Variants in RBMS3 observed in about 807,000 individuals in gnomAD.
RBMS3 encodes the protein RNA-binding motif, single-stranded-interacting protein 3.
RBMS3 carries 27 observed loss-of-function variants against 66.8 expected under a neutral mutation model. That is an observed-to-expected ratio of 0.40 (90% confidence interval 0.30 to 0.56). RBMS3 has a LOEUF of 0.56. Ranked by LOEUF, RBMS3 falls within the 20% of genes least tolerant of loss-of-function variation. The pLI, the probability that RBMS3 is intolerant of heterozygous loss-of-function variation, is 0.40. For synonymous variants in RBMS3, 188 were observed against 183.0 expected (o/e 1.03, Z -0.22); for missense variants, 513 against 549.5 (o/e 0.93, Z 0.66).
intron 4 of RBMS3, among the ~76,000 whole-genome samples, chr3:29,599,209 C>A (rs2048064395): frequency 6.7e-6 from 1 of 148,958 alleles, no homozygotes; most frequent in Non-Finnish European, 1.5e-5. Flanking sequence ...GTATCTGTAG[C>A]CAATAATAAC....
chr3:29,997,813 TACTG>T (rs1373820653), intron 14 of RBMS3, among the ~76,000 whole-genome samples: 2 of 152,110 alleles, frequency 1.3e-5, no homozygotes, highest in African/African-American at 2.4e-5. Context: ...GCCAATATCA[TACTG>T]AATGGGCAAA....
At chr3:29,685,128 G>A (rs998431648) in intron 4 of RBMS3, among the ~76,000 whole-genome samples, 2 of 151,900 alleles carry the variant, frequency 1.3e-5, no homozygotes, top group Non-Finnish European at 2.9e-5. Flanking sequence ...GCGCGATCTC[G>A]GCTCACTGCA....
In RBMS3 at chr3:30,006,435, A is replaced by G. The variant is rs530160603; in HGVS notation, c.*2573A>G. ...CAAGAAAATGTAGTGTGCGTTATAGAGAAATTCCAACTGGTCACACTCACC... is the reference window on the plus strand; with the variant it reads ...CAAGAAAATGTAGTGTGCGTTATAGGGAAATTCCAACTGGTCACACTCACC... On this transcript the variant is annotated 3_prime_UTR_variant, in exon 15 of 15. Coordinates refer to ENST00000383767, the MANE Select transcript of RBMS3 (RefSeq NM_001003793.3). The G allele has an allele frequency of 6.6e-6, 1 of 152,044 alleles. No individual in the cohort carries two copies. The highest frequency in any genetic ancestry group is 2.4e-5 in the African/African-American group (1 of 41,544). The allele number at this position is 152,044 out of a possible 1,614,324, so 9.4% of individuals were successfully genotyped here.
intron 4 of RBMS3, among the ~76,000 whole-genome samples, chr3:29,712,166 C>T (rs2053198605): frequency 6.6e-6 from 1 of 152,104 alleles, no homozygotes; most frequent in African/African-American, 2.4e-5. Flanking sequence ...TTATAATCAT[C>T]CCTAGCTGTG....
intron 3 of RBMS3, among the ~76,000 whole-genome samples, chr3:29,575,215 AG>A (rs1168933350): frequency 5.9e-5 from 9 of 152,184 alleles, no homozygotes; most frequent in African/African-American, 2.2e-4. Flanking sequence ...TTTTTCATCT[AG>A]AAAGGTCTTT....
chr3:29,394,227 G>A (rs1257487909), intron 1 of RBMS3, among the ~76,000 whole-genome samples: 2 of 152,166 alleles, frequency 1.3e-5, no homozygotes, highest in African/African-American at 4.8e-5. Flanking sequence ...AAATAATTCA[G>A]CAATATTTCT....
At chr3:29,983,047 T>G (rs1376265788) in intron 12 of RBMS3, among the ~76,000 whole-genome samples, 4 of 151,756 alleles carry the variant, frequency 2.6e-5, no homozygotes, top group African/African-American at 9.7e-5. Context: ...AGTCTAAGTC[T>G]CTTTGTAGGT....
intron 4 of RBMS3, among the ~76,000 whole-genome samples, chr3:29,593,986 A>T (rs958696492): frequency 6.6e-5 from 10 of 152,242 alleles, no homozygotes; most frequent in African/African-American, 2.2e-4. Flanking sequence ...TTTTAGGTAC[A>T]ATGGTCAGGA....
At chr3:29,435,057 G>A (rs1204155458) in intron 2 of RBMS3, 142 bp downstream of exon 2, 1 of 877,172 alleles carries the variant, frequency 1.1e-6, no homozygotes, top group Non-Finnish European at 1.7e-6. Context: ...TTAAATTTGA[G>A]ATTCAATGCT....
intron 11 of RBMS3, among the ~76,000 whole-genome samples, chr3:29,939,194 A>G (rs529358203): frequency 2.0e-4 from 30 of 152,116 alleles, no homozygotes; most frequent in African/African-American, 6.3e-4. Flanking sequence ...AGTCCAGCCA[A>G]GTCATATTAA....
At chr3:30,000,172 T>C (rs1699521371) in intron 14 of RBMS3, among the ~76,000 whole-genome samples, 1 of 152,006 alleles carries the variant, frequency 6.6e-6, no homozygotes, top group Non-Finnish European at 1.5e-5. Flanking sequence ...ATCCAGAATC[T>C]ACAAAGAACT....
intron 3 of RBMS3, among the ~76,000 whole-genome samples, chr3:29,544,547 G>A (rs770118545): frequency 6.6e-6 from 1 of 151,950 alleles, no homozygotes; most frequent in Non-Finnish European, 1.5e-5. Context: ...CTGTCTCAGT[G>A]GTATTCTCTG....
chr3:29,542,187 A>G (rs1164480771), intron 3 of RBMS3, among the ~76,000 whole-genome samples: 1 of 152,214 alleles, frequency 6.6e-6, no homozygotes, highest in African/African-American at 2.4e-5. Flanking sequence ...ACAGTGAACA[A>G]TTACTGGGTG....
At chr3:29,734,884 T>C (rs1404842994) in intron 4 of RBMS3, among the ~76,000 whole-genome samples, 3 of 152,140 alleles carry the variant, frequency 2.0e-5, no homozygotes, top group Non-Finnish European at 4.4e-5. Context: ...ATTCTACAAA[T>C]ATATTGATCC....
intron 4 of RBMS3, among the ~76,000 whole-genome samples, chr3:29,610,201 C>T (rs1193150326): frequency 2.6e-5 from 4 of 151,870 alleles, no homozygotes; most frequent in Admixed American, 2.0e-4. Flanking sequence ...TGGACCCTGT[C>T]GTGAATACAG....
intron 6 of RBMS3, among the ~76,000 whole-genome samples, chr3:29,811,408 C>T (rs751962356): frequency 6.6e-6 from 1 of 152,162 alleles, no homozygotes; most frequent in African/African-American, 2.4e-5. Flanking sequence ...TCTAGACTGG[C>T]TCTCTTCTGT....
chr3:29,830,432 T>C (rs902075767), intron 6 of RBMS3, among the ~76,000 whole-genome samples: 3 of 152,108 alleles, frequency 2.0e-5, no homozygotes, highest in African/African-American at 7.2e-5. Context: ...TTAAAACTTA[T>C]GGTAGTGAAG....
intron 1 of RBMS3, among the ~76,000 whole-genome samples, chr3:29,364,111 T>C (rs1432336096): frequency 1.3e-5 from 2 of 152,134 alleles, no homozygotes; most frequent in Non-Finnish European, 2.9e-5. Flanking sequence ...AACCATTACA[T>C]GTCCAAAGTG....
intron 4 of RBMS3, among the ~76,000 whole-genome samples, chr3:29,629,504 G>A (rs1419347876): frequency 6.6e-6 from 1 of 152,074 alleles, no homozygotes; most frequent in Non-Finnish European, 1.5e-5. Flanking sequence ...TGTTCTAAGT[G>A]GAGACTGCTA....
Sources: gnomAD v4.1 joint callset for allele counts (sites outside exome capture counted in the v4.1 genomes callset) on GRCh38, gnomAD v4.1.1 for gene constraint, MANE v1.5 for transcripts, NCBI Gene and HGNC (gene_info 2026-07-23, HGNC 2026-07-21) for gene names.